AGBL4: variants seen among roughly 807,000 people sequenced by gnomAD.
AGBL4 encodes AGBL carboxypeptidase 4.
AGBL4 carries 58 observed loss-of-function variants against 66.4 expected under a neutral mutation model. The ratio of observed to expected loss-of-function variants is 0.87; its 90% CI spans 0.71 to 1.09. AGBL4 has a LOEUF of 1.09. AGBL4 is among the 50% of genes least tolerant of loss of function. The pLI is 0.00. For missense variants in AGBL4, 579 were observed against 631.0 expected, an observed-to-expected ratio of 0.92 and a Z score of 0.88; for synonymous variants, 234 against 222.9, an observed-to-expected ratio of 1.05 and a Z score of -0.44.
At chr1:48,681,762 T>C (rs1646459110) in intron 6 of AGBL4, among the ~76,000 whole-genome samples, 1 of 152,142 alleles carries the variant, frequency 6.6e-6, no homozygotes, top group African/African-American at 2.4e-5. Context: ...AGGGATGCGT[T>C]ACCTCACTCT....
At chr1:49,833,848 C>G (rs2148022453) in intron 2 of AGBL4, among the ~76,000 whole-genome samples, 1 of 152,150 alleles carries the variant, frequency 6.6e-6, no homozygotes, top group African/African-American at 2.4e-5. Flanking sequence ...GATTTTGTAT[C>G]CTGAGACTCT....
intron 6 of AGBL4, among the ~76,000 whole-genome samples, chr1:48,741,972 G>A (rs1649983046): frequency 6.6e-6 from 1 of 152,168 alleles, no homozygotes; most frequent in African/African-American, 2.4e-5. Flanking sequence ...GTGACTTTAA[G>A]ATTTTTCACG....
intron 3 of AGBL4, among the ~76,000 whole-genome samples, chr1:49,524,904 T>C (rs1486786457): frequency 6.6e-6 from 1 of 152,112 alleles, no homozygotes; most frequent in Non-Finnish European, 1.5e-5. Context: ...AGATGAACAA[T>C]GGCAGAAGTA....
At chr1:48,649,841 C>T (rs1290486947) in intron 8 of AGBL4, among the ~76,000 whole-genome samples, 1 of 152,194 alleles carries the variant, frequency 6.6e-6, no homozygotes, top group African/African-American at 2.4e-5. Context: ...GTGCTTAGCA[C>T]TGTGCTTTAA....
intron 3 of AGBL4, among the ~76,000 whole-genome samples, chr1:49,680,260 G>A (rs555812539): frequency 5.3e-5 from 8 of 151,336 alleles, no homozygotes; most frequent in South Asian, 2.2e-4. Flanking sequence ...CATGTTGTCC[G>A]GGATGGTCTC....
chr1:48,741,587 A>G (rs1430359953), intron 6 of AGBL4, among the ~76,000 whole-genome samples: 2 of 152,246 alleles, frequency 1.3e-5, no homozygotes, highest in African/African-American at 2.4e-5. Flanking sequence ...GAGAGTCCTG[A>G]AAACTAATAC....
At chr1:48,841,100 C>T (rs932777653) in intron 6 of AGBL4, among the ~76,000 whole-genome samples, 1 of 152,038 alleles carries the variant, frequency 6.6e-6, no homozygotes, top group Non-Finnish European at 1.5e-5. Context: ...TCAGTGTTTG[C>T]TAGGGGTTAG....
chr1:49,613,445 A>G (rs1645190623), intron 3 of AGBL4, among the ~76,000 whole-genome samples: 1 of 152,232 alleles, frequency 6.6e-6, no homozygotes, highest in Admixed American at 6.5e-5. Context: ...GCCACACAGC[A>G]GGAGGTGAGC....
At chr1:49,930,501 T>A (rs1443144506) in intron 1 of AGBL4, among the ~76,000 whole-genome samples, 1 of 152,052 alleles carries the variant, frequency 6.6e-6, no homozygotes, top group Non-Finnish European at 1.5e-5. Context: ...CAGACCAATA[T>A]ATTCATGAAC....
chr1:49,609,643 G>C (rs1005462992), intron 3 of AGBL4, among the ~76,000 whole-genome samples: 5 of 151,994 alleles, frequency 3.3e-5, no homozygotes, highest in African/African-American at 1.2e-4. Flanking sequence ...TGTACAGGTT[G>C]GTTCTACAGA....
intron 4 of AGBL4, among the ~76,000 whole-genome samples, chr1:49,224,400 G>A (rs1483581387): frequency 6.6e-6 from 1 of 151,994 alleles, no homozygotes; most frequent in Non-Finnish European, 1.5e-5. Flanking sequence ...GGCAGATCAC[G>A]AGGTCAGGAG....
At chr1:49,385,814 C>T (rs1481881837) in intron 3 of AGBL4, among the ~76,000 whole-genome samples, 2 of 151,988 alleles carry the variant, frequency 1.3e-5, no homozygotes, top group African/African-American at 2.4e-5. Context: ...ATTCTGTGGC[C>T]TAAACTTTAT....
chr1:48,531,171 C>G (rs1643903962), downstream of AGBL4, among the ~76,000 whole-genome samples: 1 of 152,020 alleles, frequency 6.6e-6, no homozygotes, highest in South Asian at 2.1e-4. Context: ...TGCAAACACA[C>G]CCTCCTACAG....
chr1:48,783,646 C>T (rs1321479100), intron 6 of AGBL4, among the ~76,000 whole-genome samples: 1 of 152,066 alleles, frequency 6.6e-6, no homozygotes, highest in African/African-American at 2.4e-5. Context: ...GAGACGTGGG[C>T]CAGGAATTTT....
chr1:48,685,082 G>T (rs899422447), intron 6 of AGBL4, among the ~76,000 whole-genome samples: 1 of 151,730 alleles, frequency 6.6e-6, no homozygotes, highest in South Asian at 2.1e-4. Context: ...TGGTGCACAC[G>T]GCCTGTCTGG....
At chr1:49,371,214 T>TAGGC (rs1410902083) in intron 3 of AGBL4, among the ~76,000 whole-genome samples, 1 of 148,438 alleles carries the variant, frequency 6.7e-6, no homozygotes, top group Admixed American at 7.0e-5. Flanking sequence ...AGATAGAAGA[T>TAGGC]AGATAGATAG....
chr1:49,017,961 T>C (rs993336883), intron 5 of AGBL4, among the ~76,000 whole-genome samples: 2 of 152,184 alleles, frequency 1.3e-5, no homozygotes, highest in African/African-American at 4.8e-5. Flanking sequence ...TCTCTGTTCA[T>C]TGTTTCATTC....
intron 1 of AGBL4, among the ~76,000 whole-genome samples, chr1:49,982,392 A>G (rs1412524846): frequency 6.6e-6 from 1 of 152,222 alleles, no homozygotes; most frequent in Non-Finnish European, 1.5e-5. Flanking sequence ...CTGACACACC[A>G]GCCCCCTGCC....
chr1:49,505,517 T>C (rs1648599775), intron 3 of AGBL4, among the ~76,000 whole-genome samples: 1 of 151,910 alleles, frequency 6.6e-6, no homozygotes, highest in Admixed American at 6.6e-5. Context: ...AGCTGTCAGG[T>C]TTTTTTGTCC....
Sources: gnomAD v4.1 joint callset for allele counts (sites outside exome capture counted in the v4.1 genomes callset) on GRCh38, gnomAD v4.1.1 for gene constraint, MANE v1.5 for transcripts, NCBI Gene and HGNC (gene_info 2026-07-23, HGNC 2026-07-21) for gene names.